Variants in LIPC observed in about 807,000 individuals in gnomAD.
LIPC encodes hepatic triacylglycerol lipase.
Under a neutral mutation model 50.7 loss-of-function variants are expected in LIPC, and 44 were observed. The ratio of observed to expected loss-of-function variants is 0.87; its 90% CI spans 0.68 to 1.11. LIPC has a LOEUF of 1.11. Ranked by LOEUF, LIPC falls within the 50% of genes most tolerant of loss-of-function variation. LIPC has a pLI of 0.00. For missense variants in LIPC, 697 were observed against 648.2 expected (o/e 1.08, Z -0.82); for synonymous variants, 271 against 256.4 (o/e 1.06, Z -0.54).
At chr15:58,565,087 G>A (rs2140959776) in intron 8 of LIPC, 1 of 1,031,346 alleles carries the variant, frequency 9.7e-7, no homozygotes, top group East Asian at 2.6e-5. Context: ...ATGCCCCTGA[G>A]TCCCTTTATA....
chr15:58,530,853 CCTG>C (rs1892939739), intron 1 of LIPC, among the ~76,000 whole-genome samples: 1 of 152,156 alleles, frequency 6.6e-6, no homozygotes, highest in South Asian at 2.1e-4. Flanking sequence ...GTTCCTTTTT[CCTG>C]CTGAGTAGTA....
chr15:58,533,001 GA>G lies in LIPC; in HGVS notation c.89-5331del, dbSNP rs1450926330. ...TCTAGGAACTTACTGTCATACAGAG[GA>G]CAACCCCAAGCCTCCCTAGTCCATC... On this transcript the variant is annotated intron_variant, in intron 1 of 8. Coordinates refer to ENST00000299022, the MANE Select transcript of LIPC (RefSeq NM_000236.3). 3.9e-5 allele frequency: 7 copies of G among 179,496 alleles called. No homozygotes were observed. In the East Asian group the frequency reaches 1.3e-3, roughly 34 times the overall value. 11.1% of individuals were successfully genotyped at this position (179,496 alleles called of 1,614,324 possible).
intron 1 of LIPC, among the ~76,000 whole-genome samples, chr15:58,478,414 T>A (rs530365245): frequency 6.6e-6 from 1 of 152,230 alleles, no homozygotes; most frequent in African/African-American, 2.4e-5. Context: ...AATTTTTGTA[T>A]TTTTAGTAGA....
At chr15:58,509,102 T>A (rs576513182) in intron 1 of LIPC, among the ~76,000 whole-genome samples, 1 of 152,302 alleles carries the variant, frequency 6.6e-6, no homozygotes, top group Admixed American at 6.5e-5. Context: ...TGTGGGAACA[T>A]ATCACCAGAA....
chr15:58,532,394 G>A (rs73426706), intron 1 of LIPC, among the ~76,000 whole-genome samples: 2,451 of 152,266 alleles, frequency 0.016, 73 homozygotes, highest in African/African-American at 0.056. Flanking sequence ...ACATAGGATT[G>A]TTCCATCCTG....
At chr15:58,536,672 T>C (rs957409064) in intron 1 of LIPC, among the ~76,000 whole-genome samples, 27 of 152,166 alleles carry the variant, frequency 1.8e-4, no homozygotes, top group Non-Finnish European at 2.9e-4. Flanking sequence ...GAGGGCAAGC[T>C]GAGACTCTCT....
At chr15:58,499,059 G>A (rs139374316) in intron 1 of LIPC, among the ~76,000 whole-genome samples, 240 of 152,270 alleles carry the variant, frequency 1.6e-3, no homozygotes, top group Middle Eastern at 6.8e-3. Flanking sequence ...AGGATTACTC[G>A]GCACAAGAGA....
intron 1 of LIPC, among the ~76,000 whole-genome samples, chr15:58,506,604 T>A (rs1892155411): frequency 6.6e-6 from 1 of 152,150 alleles, no homozygotes; most frequent in South Asian, 2.1e-4. Context: ...GCGACAAGAT[T>A]TTCTTTCTCT....
At chr15:58,492,347 T>A (rs1264384463) in intron 1 of LIPC, among the ~76,000 whole-genome samples, 3 of 152,238 alleles carry the variant, frequency 2.0e-5, no homozygotes, top group African/African-American at 7.2e-5. Context: ...TGTCATTAAT[T>A]GATATTATTG....
chr15:58,545,640 C>A, intron 4 of LIPC, 102 bp from the exon 5 acceptor site: 1 of 983,510 alleles, frequency 1.0e-6, no homozygotes, highest in Non-Finnish European at 1.6e-6. Context: ...TTTCTTCTTC[C>A]TGCTAGTTCA....
intron 1 of LIPC, among the ~76,000 whole-genome samples, chr15:58,492,300 T>C (rs1891613598): frequency 6.6e-6 from 1 of 152,178 alleles, no homozygotes; most frequent in Admixed American, 6.5e-5. Flanking sequence ...GGAAGCTTCC[T>C]AGGTATTATT....
chr15:58,490,124 C>T (rs1353989850), intron 1 of LIPC, among the ~76,000 whole-genome samples: 1 of 152,138 alleles, frequency 6.6e-6, no homozygotes, highest in Non-Finnish European at 1.5e-5. Flanking sequence ...ATTTTTGAAA[C>T]TGGGAAAATG....
intron 2 of LIPC, among the ~76,000 whole-genome samples, chr15:58,539,961 G>T (rs969058858): frequency 6.6e-6 from 1 of 152,154 alleles, no homozygotes; most frequent in African/African-American, 2.4e-5. Flanking sequence ...GGGAGTTCCC[G>T]TGTGGCCCTG....
intron 8 of LIPC, 73 bp from the exon 9 acceptor site, chr15:58,568,643 G>T: frequency 1.1e-6 from 1 of 873,636 alleles, no homozygotes; most frequent in South Asian, 1.4e-5. Flanking sequence ...AGTGAAATTT[G>T]ATAAAGAATG....
chr15:58,522,671 C>T (rs1892692074), intron 1 of LIPC: 1 of 153,674 alleles, frequency 6.5e-6, no homozygotes, highest in Admixed American at 6.5e-5. Flanking sequence ...CGTTCCTGCT[C>T]CTTCCTGCCC....
intron 1 of LIPC, among the ~76,000 whole-genome samples, chr15:58,501,773 T>A (rs1236944512): frequency 6.6e-6 from 1 of 152,196 alleles, no homozygotes; most frequent in Non-Finnish European, 1.5e-5. Flanking sequence ...CCAAATTTCT[T>A]TCTTACCCTA....
At chr15:58,510,479 C>A (rs1892295075) in intron 1 of LIPC, among the ~76,000 whole-genome samples, 1 of 152,164 alleles carries the variant, frequency 6.6e-6, no homozygotes, top group Non-Finnish European at 1.5e-5. Flanking sequence ...TTAGAGTAAC[C>A]ATCATCCTAT....
chr15:58,441,976 A>G (rs570824188), intron 1 of LIPC, among the ~76,000 whole-genome samples: 2 of 152,274 alleles, frequency 1.3e-5, no homozygotes, highest in South Asian at 4.1e-4. Flanking sequence ...ACTTGTGAAT[A>G]TTATGGTCTG....
intron 1 of LIPC, among the ~76,000 whole-genome samples, chr15:58,535,182 C>G (rs1893074394): frequency 6.6e-6 from 1 of 152,246 alleles, no homozygotes; most frequent in South Asian, 2.1e-4. Flanking sequence ...CGCTGCAACA[C>G]AGCAACCACT....
Sources: allele counts gnomAD v4.1 joint callset (sites outside exome capture counted in the v4.1 genomes callset), GRCh38; gene constraint gnomAD v4.1.1; transcripts MANE v1.5; gene names NCBI Gene and HGNC (gene_info 2026-07-23, HGNC 2026-07-21).